Variants in PGD observed in about 807,000 individuals in gnomAD.
PGD encodes the protein 6-phosphogluconate dehydrogenase, decarboxylating.
In PGD, 21 loss-of-function variants were observed where a neutral mutation model predicts 60.4. The observed-to-expected ratio is 0.35, with a 90% CI of 0.25 to 0.50. The LOEUF (loss-of-function observed/expected upper bound fraction) is 0.50. PGD is among the 20% of genes least tolerant of loss of function. The probability of loss-of-function intolerance (pLI) is 0.98; values close to 1 mark genes in which losing one functional copy is unlikely to be tolerated. For synonymous variants in PGD, 230 were observed against 235.9 expected, an observed-to-expected ratio of 0.97 and a Z score of 0.23; for missense variants, 477 against 613.1, an observed-to-expected ratio of 0.78 and a Z score of 2.34.
chr1:10,400,052 T>C (rs1639289591), intron 2 of PGD: 1 of 452,756 alleles, frequency 2.2e-6, no homozygotes, highest in African/African-American at 1.9e-5. Context: ...ATGTTTCTTC[T>C]AAATGTTAAA....
rs1038472087 is a variant in PGD at position 10,399,751 on chromosome 1, T to C, written c.84+47T>C. On this transcript the variant is annotated intron_variant, in intron 2 of 12. Coordinates refer to ENST00000270776, the MANE Select transcript of PGD (RefSeq NM_002631.4). ...TCTTCTCTCTGGTTCCCGGGCGCTT[T>C]AGCCGAGGCCGGCGATAGGTTTGGG... 4 of 1,541,056 alleles carry C rather than the reference T, an allele frequency of 2.6e-6. No homozygotes were observed. The South Asian group carries it at 4.5e-5, about 17-fold the overall frequency.
intron 6 of PGD, 116 bp from the exon 7 acceptor site, chr1:10,411,302 T>C: frequency 2.7e-6 from 3 of 1,120,376 alleles, no homozygotes; most frequent in South Asian, 2.9e-5. Flanking sequence ...TTATACTTGT[T>C]ATTTTTTGTG....
chr1:10,414,993 A>C (rs567463693), intron 8 of PGD, among the ~76,000 whole-genome samples: 1 of 151,760 alleles, frequency 6.6e-6, no homozygotes, highest in African/African-American at 2.4e-5. Context: ...CAGGAGGCTG[A>C]GGCAGGAGAA....
intron 11 of PGD, 81 bp downstream of exon 11, chr1:10,419,006 T>C: frequency 1.2e-6 from 1 of 855,282 alleles, no homozygotes; most frequent in Non-Finnish European, 1.9e-6. Flanking sequence ...TTGTTTTTTT[T>C]TTTTGGTTTT....
At chr1:10,416,506 GC>G (rs1353351346) in intron 8 of PGD, among the ~76,000 whole-genome samples, 1 of 152,166 alleles carries the variant, frequency 6.6e-6, no homozygotes, top group Non-Finnish European at 1.5e-5. Flanking sequence ...TGGTTGCTGT[GC>G]GAACTTTGGT....
Position 10,416,006 on chromosome 1 carries a change from C to CA in PGD, c.845-970dup, listed in dbSNP as rs200805781. ...ATGTGACTTATCAATGTAAAATCTT[C>CA]AAAAAAAAAAATTAAGGTCCTCTAA... On this transcript the variant is annotated intron_variant, in intron 8 of 12. Transcript: ENST00000270776. Among the ~76,000 whole-genome samples, 328 of 145,796 alleles carry CA rather than the reference C, an allele frequency of 2.2e-3. 1 individual carries two copies. Among genetic ancestry groups the CA allele is most frequent in the African/African-American group, 6.0e-3 (240 of 39,888 alleles).
Position 10,412,949 on chromosome 1 carries a change from G to A in PGD, c.655-113G>A, listed in dbSNP as rs183501713. 3.9e-4 allele frequency: 328 copies of A among 846,854 alleles called. 3 individuals are homozygous for A. The highest frequency in any genetic ancestry group is 2.5e-3 in the Middle Eastern group (7 of 2,842). The allele number at this position is 846,854 out of a possible 1,614,324, so 52.5% of individuals were successfully genotyped here. A position where few individuals can be genotyped will look rare whatever the true frequency, so the allele number is the denominator to read the frequency against. On this transcript the variant is annotated intron_variant, in intron 7 of 12. Transcript: ENST00000270776. ...GGAGCAGAAGTCCCCAGGCAGACGC[G>A]AGCAGAGCCTGCTGGCAACCGTGAG...
chr1:10,411,084 G>C (rs1332078566), intron 6 of PGD, among the ~76,000 whole-genome samples: 1 of 152,052 alleles, frequency 6.6e-6, no homozygotes, highest in Non-Finnish European at 1.5e-5. Context: ...TCTTGTGGGT[G>C]GGGGCTGGGA....
chr1:10,400,151 TG>T (rs966983638), intron 2 of PGD: 88 of 513,888 alleles, frequency 1.7e-4, no homozygotes, highest in African/African-American at 1.6e-3. Flanking sequence ...CCTAACACGT[TG>T]GGTGTGGATT....
At chr1:10,399,811 T>A (rs1557757987) in intron 2 of PGD, 107 bp downstream of exon 2, 14 of 932,768 alleles carry the variant, frequency 1.5e-5, no homozygotes, top group Non-Finnish European at 2.4e-5. Context: ...TTTGCTAATG[T>A]GCTCTGTTGC....
chr1:10,413,986 G>A (rs1385947045), intron 8 of PGD, among the ~76,000 whole-genome samples: 1 of 152,078 alleles, frequency 6.6e-6, no homozygotes, highest in African/African-American at 2.4e-5. Flanking sequence ...AACCCAGGAG[G>A]CAGAGGTTGC....
In PGD at chr1:10,419,440, C is replaced by T. The variant is rs1267559717; in HGVS notation, c.1233C>T (p.Ser411=). Residue 411 remains serine, a synonymous_variant, in exon 12 of 13, where the codon AGC becomes AGT. Coordinates refer to ENST00000270776, the MANE Select transcript of PGD (RefSeq NM_002631.4). ...AGGACTCCTGGCGGCGGGCAGTCAG[C>T]ACTGGGGTCCAGGCTGGCATTCCCA... ...NCQDSWRRAV[S]TGVQAGIPMP... is the part of the protein sequence containing the mutation. The T allele has an allele frequency of 2.5e-6, 4 of 1,613,872 alleles. No homozygotes were observed. The highest frequency in any genetic ancestry group is 2.5e-6 in the Non-Finnish European group (3 of 1,180,012).
At chr1:10,410,519 G>C (rs1639482666) in intron 6 of PGD, among the ~76,000 whole-genome samples, 1 of 151,948 alleles carries the variant, frequency 6.6e-6, no homozygotes, top group African/African-American at 2.4e-5. Context: ...GGTGGTGACA[G>C]CCAGGAGAGA....
intron 5 of PGD, among the ~76,000 whole-genome samples, chr1:10,404,817 G>A (rs1426032648): frequency 6.6e-6 from 1 of 152,128 alleles, no homozygotes; most frequent in African/African-American, 2.4e-5. Flanking sequence ...AGGCTTTAAG[G>A]AAGCAGTTTA....
rs920435184 is a variant in PGD at position 10,401,910 on chromosome 1, G to A, written c.265-1161G>A. 7.2e-5 allele frequency among the ~76,000 whole-genome samples: 11 copies of A among 152,262 alleles called. No homozygotes were observed. The South Asian group carries it at 2.3e-3, about 32-fold the overall frequency. ...GGTGCCTGTAGTCCCAGCTACTTGG[G>A]AGGCTGAGGCAGGAGAGTGGCGTGA... On this transcript the variant is annotated intron_variant, in intron 3 of 12. Coordinates refer to ENST00000270776, the MANE Select transcript of PGD (RefSeq NM_002631.4).
chr1:10,409,365 C>G (rs1006645272), intron 6 of PGD, among the ~76,000 whole-genome samples: 1 of 152,126 alleles, frequency 6.6e-6, no homozygotes, highest in Non-Finnish European at 1.5e-5. Flanking sequence ...TAGAAAGAGG[C>G]TGGTGCTGGG....
At chr1:10,402,922 G>GGGTTTCACTC in intron 3 of PGD, 149 bp from the exon 4 acceptor site, 1 of 632,200 alleles carries the variant, frequency 1.6e-6, no homozygotes, top group East Asian at 2.8e-5. Flanking sequence ...GGGTTTCAGT[G>GGGTTTCACTC]AGCCATGTTC....
chr1:10,405,954 C>T (rs553916697), intron 5 of PGD, among the ~76,000 whole-genome samples: 14 of 152,236 alleles, frequency 9.2e-5, no homozygotes, highest in South Asian at 6.2e-4. Flanking sequence ...GCCAGGTTCA[C>T]GCCATTCTCT....
At chr1:10,399,902 G>A (rs113135598) in intron 2 of PGD, 198 bp downstream of exon 2, 8 of 603,556 alleles carry the variant, frequency 1.3e-5, no homozygotes, top group Non-Finnish European at 2.1e-5. Flanking sequence ...CCTGCGGAGT[G>A]TGCCTGTGGG....
Sources: allele counts gnomAD v4.1 joint callset (sites outside exome capture counted in the v4.1 genomes callset), GRCh38; gene constraint gnomAD v4.1.1; transcripts MANE v1.5; gene names NCBI Gene and HGNC (gene_info 2026-07-23, HGNC 2026-07-21).